Variants in KCND2 observed in about 807,000 individuals in gnomAD.
KCND2 encodes the protein potassium voltage-gated channel subfamily D member 2.
KCND2 carries 16 observed loss-of-function variants against 54.4 expected under a neutral mutation model. The ratio of observed to expected loss-of-function variants is 0.29; its 90% CI spans 0.20 to 0.45. KCND2 has a LOEUF of 0.45. Ranked by LOEUF, KCND2 falls within the 20% of genes least tolerant of loss-of-function variation. The pLI, the probability that KCND2 is intolerant of heterozygous loss-of-function variation, is 1.00. For missense variants in KCND2, 486 were observed against 824.2 expected, an observed-to-expected ratio of 0.59 and a Z score of 5.02; for synonymous variants, 317 against 310.7, an observed-to-expected ratio of 1.02 and a Z score of -0.21.
intron 1 of KCND2, among the ~76,000 whole-genome samples, chr7:120,613,132 T>C (rs1792977577): frequency 6.6e-6 from 1 of 151,742 alleles, no homozygotes; most frequent in Non-Finnish European, 1.5e-5. Context: ...GCATGTCTAC[T>C]AGCTATTACG....
chr7:120,686,017 A>T (rs2116596128), intron 1 of KCND2, among the ~76,000 whole-genome samples: 2 of 152,310 alleles, frequency 1.3e-5, no homozygotes, highest in East Asian at 3.9e-4. Flanking sequence ...TACACTAAAC[A>T]GAATGCAGTC....
rs964181358 is a variant in KCND2 at position 120,358,465 on chromosome 7, T to C, written c.1115+82718T>C. Among the ~76,000 whole-genome samples the C allele has an allele frequency of 1.1e-4, 16 of 152,146 alleles. No individual in the cohort carries two copies. In the East Asian group the frequency reaches 2.9e-3, roughly 27 times the overall value. ...TTGTCTCTTGCACTGAATTCAAACT[T>C]TTCAGATTTTGGTGCTTTAATGACT... On this transcript the variant is annotated intron_variant, in intron 1 of 5. Coordinates refer to ENST00000331113, the MANE Select transcript of KCND2 (RefSeq NM_012281.3).
intron 1 of KCND2, among the ~76,000 whole-genome samples, chr7:120,304,473 A>G (rs1799623443): frequency 1.3e-5 from 2 of 152,284 alleles, no homozygotes; most frequent in Non-Finnish European, 1.5e-5. Flanking sequence ...CCATGCCGGC[A>G]GCATTGGCAT....
intron 1 of KCND2, among the ~76,000 whole-genome samples, chr7:120,721,195 A>G (rs183290422): frequency 6.6e-6 from 1 of 152,304 alleles, no homozygotes; most frequent in African/African-American, 2.4e-5. Flanking sequence ...TTTCTTAACT[A>G]CATAGAGTAA....
At chr7:120,538,729 G>A (rs924895824) in intron 1 of KCND2, among the ~76,000 whole-genome samples, 6 of 151,908 alleles carry the variant, frequency 3.9e-5, no homozygotes, top group Non-Finnish European at 5.9e-5. Flanking sequence ...GACTAACCTC[G>A]GCCCTATAAA....
intron 1 of KCND2, among the ~76,000 whole-genome samples, chr7:120,637,188 A>G (rs1793315516): frequency 6.6e-6 from 1 of 152,146 alleles, no homozygotes; most frequent in Admixed American, 6.5e-5. Context: ...AGAATTTTCA[A>G]ATTGAGTCTT....
intron 1 of KCND2, among the ~76,000 whole-genome samples, chr7:120,334,336 C>T (rs1800114820): frequency 6.6e-6 from 1 of 152,188 alleles, no homozygotes; most frequent in Admixed American, 6.5e-5. Flanking sequence ...ATGATGGTTA[C>T]AGGGACATTA....
At chr7:120,562,278 A>G (rs1301218927) in intron 1 of KCND2, among the ~76,000 whole-genome samples, 4 of 152,232 alleles carry the variant, frequency 2.6e-5, no homozygotes, top group Admixed American at 2.6e-4. Flanking sequence ...TAACTGAGAT[A>G]AAGATGTCAA....
intron 1 of KCND2, among the ~76,000 whole-genome samples, chr7:120,594,379 C>T (rs978372931): frequency 6.8e-6 from 1 of 147,872 alleles, no homozygotes; most frequent in African/African-American, 2.7e-5. Context: ...TTATTTCTCA[C>T]AGTTCTGTTG....
At chr7:120,505,403 A>G (rs1380008049) in intron 1 of KCND2, among the ~76,000 whole-genome samples, 1 of 151,838 alleles carries the variant, frequency 6.6e-6, no homozygotes, top group African/African-American at 2.4e-5. Context: ...TGCAAATGAA[A>G]CACTGCAAAA....
intron 1 of KCND2, among the ~76,000 whole-genome samples, chr7:120,450,778 A>G (rs1422265743): frequency 1.3e-5 from 2 of 152,182 alleles, no homozygotes; most frequent in African/African-American, 4.8e-5. Flanking sequence ...TCATATTTCC[A>G]TAAAGAAATG....
At chr7:120,705,130 T>C (rs1319495663) in intron 1 of KCND2, among the ~76,000 whole-genome samples, 1 of 152,138 alleles carries the variant, frequency 6.6e-6, no homozygotes, top group Non-Finnish European at 1.5e-5. Flanking sequence ...TGATATTCTC[T>C]CAAGCTATCA....
At chr7:120,509,315 A>G (rs1803077535) in intron 1 of KCND2, among the ~76,000 whole-genome samples, 1 of 152,108 alleles carries the variant, frequency 6.6e-6, no homozygotes, top group Non-Finnish European at 1.5e-5. Context: ...TTCATTAATT[A>G]TACAAATGTG....
intron 1 of KCND2, among the ~76,000 whole-genome samples, chr7:120,665,970 A>T (rs1397973475): frequency 6.6e-6 from 1 of 152,134 alleles, no homozygotes; most frequent in Admixed American, 6.5e-5. Context: ...TTTTGATTAG[A>T]CAAAATTTCA....
intron 1 of KCND2, among the ~76,000 whole-genome samples, chr7:120,459,739 T>G (rs112633356): frequency 0.02 from 2,983 of 152,300 alleles, 46 homozygotes; most frequent in Non-Finnish European, 0.021. Context: ...ACAGAAATTC[T>G]CCTTTCGGCT....
chr7:120,463,182 T>C (rs1230138943), intron 1 of KCND2, among the ~76,000 whole-genome samples: 2 of 152,028 alleles, frequency 1.3e-5, no homozygotes, highest in Non-Finnish European at 2.9e-5. Context: ...AACCATGACT[T>C]AATTTTAAAC....
At chr7:120,618,044 AG>A (rs1230597614) in intron 1 of KCND2, among the ~76,000 whole-genome samples, 2 of 152,296 alleles carry the variant, frequency 1.3e-5, no homozygotes, top group East Asian at 3.9e-4. Context: ...AGGGTCGAAA[AG>A]CTACCTATTG....
At chr7:120,698,408 C>T (rs1204443149) in intron 1 of KCND2, among the ~76,000 whole-genome samples, 1 of 152,168 alleles carries the variant, frequency 6.6e-6, no homozygotes, top group East Asian at 1.9e-4. Flanking sequence ...CTTTGTGGCT[C>T]AGTTTCCCAA....
chr7:120,663,155 C>T (rs922321946), intron 1 of KCND2, among the ~76,000 whole-genome samples: 4 of 152,140 alleles, frequency 2.6e-5, no homozygotes, highest in Non-Finnish European at 4.4e-5. Context: ...ATTTCTTCCT[C>T]TTATGCGTTC....
Sources: allele counts gnomAD v4.1 joint callset (sites outside exome capture counted in the v4.1 genomes callset), GRCh38; gene constraint gnomAD v4.1.1; transcripts MANE v1.5; gene names NCBI Gene and HGNC (gene_info 2026-07-23, HGNC 2026-07-21).